The following NCAM2 variants were observed in gnomAD, a reference collection of about 807,000 sequenced individuals.
NCAM2 encodes neural cell adhesion molecule 2.
In NCAM2, 30 loss-of-function variants were observed where a neutral mutation model predicts 98.1. The ratio of observed to expected loss-of-function variants is 0.31; its 90% CI spans 0.23 to 0.41. The LOEUF (loss-of-function observed/expected upper bound fraction) is 0.41, where lower values mean the gene tolerates loss of function less well. Among genes scored for constraint, NCAM2 ranks in the 10% least tolerant of loss-of-function variants. The pLI is 1.00. For missense variants in NCAM2, 867 were observed against 1,005.8 expected (o/e 0.86, Z 1.87); for synonymous variants, 368 against 342.4 (o/e 1.07, Z -0.83).
At chr21:21,452,957 T>TAATATAATTTATAC (rs1981467704) in intron 12 of NCAM2, among the ~76,000 whole-genome samples, 1 of 34,910 alleles carries the variant, frequency 2.9e-5, no homozygotes, top group Non-Finnish European at 5.7e-5. Flanking sequence ...ATACTATATA[T>TAATATAATTTATAC]TATATATTAT....
intron 5 of NCAM2, among the ~76,000 whole-genome samples, chr21:21,308,261 C>T (rs2073944466): frequency 6.6e-6 from 1 of 152,056 alleles, no homozygotes; most frequent in Admixed American, 6.6e-5. Context: ...GGTATAAGTT[C>T]CCAGATGCTT....
chr21:21,518,362 A>G (rs556690878), intron 16 of NCAM2, among the ~76,000 whole-genome samples: 269 of 152,304 alleles, frequency 1.8e-3, no homozygotes, highest in African/African-American at 6.2e-3. Context: ...TTGGACATGG[A>G]ATAAACTAAA....
intron 1 of NCAM2, among the ~76,000 whole-genome samples, chr21:21,201,279 A>AC (rs2069210126): frequency 6.6e-6 from 1 of 152,172 alleles, no homozygotes; most frequent in African/African-American, 2.4e-5. Flanking sequence ...AATAGTTTAT[A>AC]CCTAAAGCAG....
chr21:21,055,226 G>T (rs1372710483), intron 1 of NCAM2, among the ~76,000 whole-genome samples: 1 of 151,900 alleles, frequency 6.6e-6, no homozygotes, highest in Non-Finnish European at 1.5e-5. Context: ...AAACCAAGAA[G>T]CCACATGAAG....
intron 8 of NCAM2, among the ~76,000 whole-genome samples, chr21:21,363,775 G>A (rs190802230): frequency 6.6e-6 from 1 of 151,982 alleles, no homozygotes; most frequent in East Asian, 1.9e-4. Context: ...TATGGTTGTT[G>A]CAGCATTGTA....
chr21:21,016,012 G>C lies in NCAM2; in HGVS notation c.55+17394G>C, dbSNP rs564377867. Among the ~76,000 whole-genome samples, 16 of 152,152 alleles carry C rather than the reference G, an allele frequency of 1.1e-4. No homozygotes were observed. The East Asian group carries it at 3.1e-3, about 29-fold the overall frequency. ...CGTGAGCCACAATGCCCAGTCGCCT[G>C]TATTTCTTTAGTTGATTTTCTTTGG... On this transcript the variant is annotated intron_variant, in intron 1 of 17. Transcript: ENST00000400546.
intron 1 of NCAM2, among the ~76,000 whole-genome samples, chr21:21,225,862 G>C (rs1008175306): frequency 4.0e-5 from 6 of 151,888 alleles, no homozygotes; most frequent in Admixed American, 1.3e-4. Flanking sequence ...CTACCAAAAA[G>C]AAACCTGCAT....
At chr21:21,387,427 A>C (rs1371788330) in intron 9 of NCAM2, among the ~76,000 whole-genome samples, 1 of 152,110 alleles carries the variant, frequency 6.6e-6, no homozygotes, top group Non-Finnish European at 1.5e-5. Context: ...AAGACACCTC[A>C]TGGATAGGAC....
chr21:21,016,003 C>T (rs1420534199), intron 1 of NCAM2, among the ~76,000 whole-genome samples: 2 of 152,108 alleles, frequency 1.3e-5, no homozygotes, highest in Non-Finnish European at 2.9e-5. Flanking sequence ...CCACAATGCC[C>T]AGTCGCCTGT....
chr21:21,015,465 C>A (rs1194403168), intron 1 of NCAM2, among the ~76,000 whole-genome samples: 2 of 152,190 alleles, frequency 1.3e-5, no homozygotes, highest in Non-Finnish European at 2.9e-5. Context: ...CCACTGAAGG[C>A]TTAGATGATC....
In NCAM2 at chr21:21,079,609, T is replaced by C. The variant is rs533214438; in HGVS notation, c.55+80991T>C. On this transcript the variant is annotated intron_variant, in intron 1 of 17. Transcript: ENST00000400546. ...TTTTAGCCACTGCATTCTTTTCTTATTCAGGCCATCACTATGACACTCTTG... is the reference window on the plus strand; with the variant it reads ...TTTTAGCCACTGCATTCTTTTCTTACTCAGGCCATCACTATGACACTCTTG... 4.2e-3 allele frequency among the ~76,000 whole-genome samples: 642 copies of C among 152,304 alleles called. 2 individuals are homozygous for C. Among genetic ancestry groups the C allele is most frequent in the South Asian group, 8.5e-3 (41 of 4,828 alleles).
intron 1 of NCAM2, among the ~76,000 whole-genome samples, chr21:21,127,337 G>A (rs543268155): frequency 2.3e-4 from 35 of 151,864 alleles, no homozygotes; most frequent in East Asian, 1.4e-3. Context: ...TTTTTGATAC[G>A]AAATAATTGT....
chr21:21,297,716 A>T (rs1359804025), intron 5 of NCAM2, among the ~76,000 whole-genome samples: 1 of 136,350 alleles, frequency 7.3e-6, no homozygotes, highest in Non-Finnish European at 1.6e-5. Flanking sequence ...TTAGTTAAAT[A>T]ATACACACTG....
At chr21:21,455,397 G>A (rs767405151) in intron 12 of NCAM2, among the ~76,000 whole-genome samples, 1 of 151,576 alleles carries the variant, frequency 6.6e-6, no homozygotes, top group Non-Finnish European at 1.5e-5. Flanking sequence ...AAAATGCAAG[G>A]TTCAAGTGAT....
At chr21:21,079,096 A>G (rs1004371494) in intron 1 of NCAM2, among the ~76,000 whole-genome samples, 1 of 152,034 alleles carries the variant, frequency 6.6e-6, no homozygotes, top group African/African-American at 2.4e-5. Flanking sequence ...AGGGCTTAAA[A>G]CCTCGCTGAA....
At chr21:21,276,762 A>C (rs2072744051) in intron 1 of NCAM2, among the ~76,000 whole-genome samples, 1 of 152,052 alleles carries the variant, frequency 6.6e-6, no homozygotes, top group African/African-American at 2.4e-5. Context: ...TGGGAAATAT[A>C]GTGAAGTAGA....
chr21:21,470,994 AC>A (rs1984371990), intron 14 of NCAM2, among the ~76,000 whole-genome samples: 1 of 151,322 alleles, frequency 6.6e-6, no homozygotes, highest in Non-Finnish European at 1.5e-5. Context: ...ATACTTTTTC[AC>A]ATTTTTTTCA....
intron 1 of NCAM2, among the ~76,000 whole-genome samples, chr21:21,100,450 G>A (rs537424063): frequency 4.9e-4 from 74 of 151,938 alleles, no homozygotes; most frequent in Non-Finnish European, 9.1e-4. Flanking sequence ...AAAGCCAGAA[G>A]TACAAGGTGG....
intron 1 of NCAM2, among the ~76,000 whole-genome samples, chr21:21,077,986 T>C (rs1346869436): frequency 6.6e-6 from 1 of 152,102 alleles, no homozygotes; most frequent in Non-Finnish European, 1.5e-5. Context: ...GCAAATTTTG[T>C]TTTTTAGGTA....
Sources: gnomAD v4.1 joint callset for allele counts (sites outside exome capture counted in the v4.1 genomes callset) on GRCh38, gnomAD v4.1.1 for gene constraint, MANE v1.5 for transcripts, NCBI Gene and HGNC (gene_info 2026-07-23, HGNC 2026-07-21) for gene names.